ARMH1: variants seen among roughly 807,000 people sequenced by gnomAD.
ARMH1 encodes armadillo-like helical domain containing protein 1.
A neutral mutation model predicts 50.2 loss-of-function variants in ARMH1; 34 were observed. The observed-to-expected ratio is 0.68, with a 90% CI of 0.51 to 0.90. ARMH1 has a LOEUF of 0.90. Ranked by LOEUF, ARMH1 falls within the 40% of genes least tolerant of loss-of-function variation. ARMH1 has a pLI of 0.00. For synonymous variants in ARMH1, 221 were observed against 224.2 expected (o/e 0.99, Z 0.13); for missense variants, 538 against 553.9 (o/e 0.97, Z 0.29).
chr1:44,701,428 G>T lies in ARMH1; in HGVS notation c.639+309G>T, dbSNP rs766710784. Reference sequence around the variant, plus strand: ...TAAAGGAGTCGATTTGATAGGGAAAGAATAATGGTGCATTTGTAGACAGCA... The same window carrying T: ...TAAAGGAGTCGATTTGATAGGGAAATAATAATGGTGCATTTGTAGACAGCA... On this transcript the variant is annotated intron_variant, in intron 5 of 11. Coordinates refer to ENST00000535358, the MANE Select transcript of ARMH1 (RefSeq NM_001145636.2). Among the ~76,000 whole-genome samples, 5 of 152,120 alleles carry T rather than the reference G, an allele frequency of 3.3e-5. No individual in the cohort carries two copies. The Middle Eastern group carries it at 0.01, about 310-fold the overall frequency.
intron 2 of ARMH1, among the ~76,000 whole-genome samples, chr1:44,690,396 A>G (rs1019761145): frequency 1.4e-4 from 22 of 152,044 alleles, no homozygotes; most frequent in African/African-American, 5.1e-4. Context: ...TTCCCAACCT[A>G]TAATTGTATT....
At chr1:44,699,084 C>T (rs1331146766) in intron 4 of ARMH1, among the ~76,000 whole-genome samples, 1 of 151,976 alleles carries the variant, frequency 6.6e-6, no homozygotes. Context: ...AGATCAAGAC[C>T]ATCCTGGCTA....
intron 5 of ARMH1, among the ~76,000 whole-genome samples, chr1:44,701,918 C>T (rs918988147): frequency 6.9e-6 from 1 of 145,484 alleles, no homozygotes; most frequent in African/African-American, 2.5e-5. Flanking sequence ...AAGTGAGACT[C>T]GTGTCAAAAA....
At chr1:44,708,032 C>A (rs1376502440) in intron 6 of ARMH1, among the ~76,000 whole-genome samples, 1 of 152,188 alleles carries the variant, frequency 6.6e-6, no homozygotes, top group Admixed American at 6.5e-5. Context: ...CTTCCTATAA[C>A]TCCAAATGTA....
chr1:44,725,114 T>G, intron 10 of ARMH1, 22 bp from the exon 11 acceptor site: 1 of 1,551,144 alleles, frequency 6.4e-7, no homozygotes, highest in Non-Finnish European at 8.7e-7. Flanking sequence ...CCCAGCCGGG[T>G]CCCCCTTGCT....
chr1:44,697,213 C>T (rs760065004), intron 3 of ARMH1, 43 bp downstream of exon 3: 4 of 1,462,538 alleles, frequency 2.7e-6, no homozygotes, highest in Non-Finnish European at 3.8e-6. Context: ...TCAGTGGCAT[C>T]TCAGGCTCAT....
rs775833073 is a variant in ARMH1, at chr1:44,698,191, C to G, written c.404C>G (p.Ser135Cys). The change falls in exon 4 of 12, where the codon TCT (serine) becomes TGT (cysteine). Residue 135 changes from serine (S) to cysteine (C), a missense_variant. By Grantham distance (112) the Ser-to-Cys change is moderately radical (BLOSUM62 -1). Transcript: ENST00000535358. ...AAACTACTTCAGGTTATTGCGAACT[C>G]TGGCAGGACATACAAGGAACTCATT... ...SVKLLQVIAN[S>C]GRTYKELICE... The G allele has an allele frequency of 1.3e-6, 2 of 1,552,178 alleles. No homozygotes were observed.
chr1:44,677,398 GAAGGACA>G (rs1468530290), intron 1 of ARMH1, among the ~76,000 whole-genome samples: 1 of 152,194 alleles, frequency 6.6e-6, no homozygotes. Flanking sequence ...GGATACAATG[GAAGGACA>G]AAGGACAAGG....
chr1:44,686,054 G>C (rs1178839492), intron 1 of ARMH1, among the ~76,000 whole-genome samples: 1 of 152,178 alleles, frequency 6.6e-6, no homozygotes, highest in African/African-American at 2.4e-5. Context: ...TGAGAGACAG[G>C]AAATGGGCAT....
intron 6 of ARMH1, among the ~76,000 whole-genome samples, chr1:44,712,535 CAAAAAAAA>C (rs35480137): frequency 1.5e-5 from 1 of 64,828 alleles, no homozygotes; most frequent in Non-Finnish European, 3.3e-5. Context: ...CAGGGAACCG[CAAAAAAAA>C]AAAAAAAAAA....
chr1:44,722,756 AC>A (rs1647510249), intron 6 of ARMH1, among the ~76,000 whole-genome samples: 1 of 146,070 alleles, frequency 6.8e-6, no homozygotes, highest in South Asian at 2.2e-4. Flanking sequence ...AAACAAAAAT[AC>A]TAGCATTTAC....
intron 4 of ARMH1, 59 bp from the exon 5 acceptor site, chr1:44,700,864 G>C: frequency 7.1e-7 from 1 of 1,401,318 alleles, no homozygotes; most frequent in Admixed American, 2.5e-5. Context: ...ATATAATCTT[G>C]AGTGGGGATT....
Position 44,718,942 on chromosome 1 carries a change from T to C in ARMH1, c.725-5180T>C, listed in dbSNP as rs896465206. ...TGGGAGGCTGAGATAGGAGAATCACTTGAACCTATGAGTCAGAGGTTGCAG... is the reference window on the plus strand; with the variant it reads ...TGGGAGGCTGAGATAGGAGAATCACCTGAACCTATGAGTCAGAGGTTGCAG... On this transcript the variant is annotated intron_variant, in intron 6 of 11. Transcript: ENST00000535358. Among the ~76,000 whole-genome samples the C allele has an allele frequency of 2.0e-5, 3 of 149,084 alleles. No homozygotes were observed. The Admixed American group carries it at 2.0e-4, about 10-fold the overall frequency.
intron 6 of ARMH1, among the ~76,000 whole-genome samples, chr1:44,713,093 C>T (rs967557143): frequency 8.1e-5 from 12 of 148,404 alleles, no homozygotes; most frequent in Admixed American, 2.0e-4. Context: ...CTACTGCGCC[C>T]GGCCTTTTTT....
intron 6 of ARMH1, among the ~76,000 whole-genome samples, chr1:44,716,908 T>C (rs1646876161): frequency 6.6e-6 from 1 of 151,340 alleles, no homozygotes; most frequent in African/African-American, 2.4e-5. Flanking sequence ...TGGAGTGCAG[T>C]GGCGCGATCT....
rs567477894 is a variant in ARMH1, at chr1:44,725,516, G to T, written c.*113G>T. On this transcript the variant is annotated 3_prime_UTR_variant, in exon 12 of 12. Coordinates refer to ENST00000535358, the MANE Select transcript of ARMH1 (RefSeq NM_001145636.2). ...CTCCACTTGGCTCCAGGGGGGAGAC[G>T]GGGATTAGGCATCCCAGAGGGGCAG... The T allele has an allele frequency of 1.0e-5, 11 of 1,049,080 alleles. No individual in the cohort carries two copies. In the African/African-American group the frequency reaches 1.8e-4, roughly 17 times the overall value. The allele number at this position is 1,049,080 out of a possible 1,614,324, so 65.0% of individuals were successfully genotyped here.
intron 1 of ARMH1, among the ~76,000 whole-genome samples, chr1:44,675,547 C>T (rs969932745): frequency 2.8e-4 from 42 of 152,072 alleles, no homozygotes; most frequent in Non-Finnish European, 5.6e-4. Context: ...CCTGAAGTCC[C>T]AGCTACTTGG....
intron 6 of ARMH1, 131 bp downstream of exon 6, chr1:44,704,304 T>C (rs1355960695): frequency 6.9e-6 from 5 of 724,662 alleles, no homozygotes; most frequent in Non-Finnish European, 1.2e-5. Flanking sequence ...AAGATGCTGG[T>C]TCAGAAAATG....
At chr1:44,722,101 G>A (rs1175391461) in intron 6 of ARMH1, among the ~76,000 whole-genome samples, 2 of 152,182 alleles carry the variant, frequency 1.3e-5, no homozygotes, top group Admixed American at 6.6e-5. Context: ...AATAATTCTC[G>A]TATCTACAAT....
Sources: allele counts gnomAD v4.1 joint callset (sites outside exome capture counted in the v4.1 genomes callset), GRCh38; gene constraint gnomAD v4.1.1; transcripts MANE v1.5; gene names NCBI Gene and HGNC (gene_info 2026-07-23, HGNC 2026-07-21).